Variants in BTBD16 observed in about 807,000 individuals in gnomAD.
BTBD16 encodes BTB/POZ domain-containing protein 16.
A neutral mutation model predicts 67.4 loss-of-function variants in BTBD16; 66 were observed. The observed-to-expected ratio is 0.98, with a 90% confidence interval of 0.80 to 1.20. The LOEUF (loss-of-function observed/expected upper bound fraction) is 1.20. Ranked by LOEUF, BTBD16 falls within the 50% of genes most tolerant of loss-of-function variation. The pLI, the probability that BTBD16 is intolerant of heterozygous loss-of-function variation, is 0.00. For missense variants in BTBD16, 634 were observed against 616.0 expected (o/e 1.03, Z -0.31); for synonymous variants, 242 against 236.4 (o/e 1.02, Z -0.22).
At chr10:122,309,112 G>A (rs1016284431) in intron 10 of BTBD16, among the ~76,000 whole-genome samples, 1 of 152,102 alleles carries the variant, frequency 6.6e-6, no homozygotes, top group Non-Finnish European at 1.5e-5. Flanking sequence ...GCTGGACTGT[G>A]AGTCTCTGTC....
At chr10:122,334,198 T>TC (rs2096459348) in intron 13 of BTBD16, among the ~76,000 whole-genome samples, 1 of 148,310 alleles carries the variant, frequency 6.7e-6, no homozygotes, top group Non-Finnish European at 1.5e-5. Context: ...TCTTGACTTT[T>TC]TTTTTTTTTT....
intron 7 of BTBD16, among the ~76,000 whole-genome samples, chr10:122,293,258 G>A (rs1290639102): frequency 6.6e-6 from 1 of 152,224 alleles, no homozygotes; most frequent in African/African-American, 2.4e-5. Context: ...GCAGAGGGGA[G>A]AGACAGATAT....
In BTBD16 at chr10:122,273,221, G is replaced by GATATATATATATATATATATAT. The variant is rs71715395; in HGVS notation, c.-43+1711_-43+1732dup. ...ATAGAAATAAAAACAGCAACACAAA[G>GATATATATATATATATATATAT]ATATATATATATATATATATATATA... On this transcript the variant is annotated intron_variant, in intron 1 of 15. Transcript: ENST00000260723. Among the ~76,000 whole-genome samples, 414 of 129,270 alleles carry GATATATATATATATATATATAT rather than the reference G, an allele frequency of 3.2e-3. 1 individual carries two copies. The highest frequency in any genetic ancestry group is 5.6e-3 in the South Asian group (21 of 3,742). 84.8% of individuals were successfully genotyped at this position (129,270 alleles called of 152,430 possible). A position where few individuals can be genotyped will look rare whatever the true frequency, so the allele number is the denominator to read the frequency against.
At chr10:122,329,601 C>T (rs747325685) in intron 11 of BTBD16, 30 bp downstream of exon 11, 30 of 1,599,060 alleles carry the variant, frequency 1.9e-5, no homozygotes, top group Admixed American at 6.7e-5. Flanking sequence ...AGCGCATCCA[C>T]GGGAAAGCTG....
chr10:122,282,771 A>G (rs1235558234), intron 3 of BTBD16, among the ~76,000 whole-genome samples: 1 of 152,248 alleles, frequency 6.6e-6, no homozygotes, highest in Non-Finnish European at 1.5e-5. Context: ...AGGATACACA[A>G]GTAAACAGGC....
chr10:122,301,140 G>A (rs992022912), intron 9 of BTBD16, among the ~76,000 whole-genome samples: 11 of 151,940 alleles, frequency 7.2e-5, no homozygotes, highest in African/African-American at 2.4e-4. Flanking sequence ...ACTCCCCAGC[G>A]GAGCAAAGGT....
At chr10:122,326,672 C>T (rs537021423) in intron 10 of BTBD16, among the ~76,000 whole-genome samples, 10 of 152,040 alleles carry the variant, frequency 6.6e-5, no homozygotes, top group South Asian at 2.1e-4. Context: ...ACTGTCTTTC[C>T]GAGTCTATGG....
intron 9 of BTBD16, among the ~76,000 whole-genome samples, chr10:122,299,936 G>GC (rs1043347806): frequency 6.6e-6 from 1 of 152,014 alleles, no homozygotes; most frequent in Non-Finnish European, 1.5e-5. Flanking sequence ...CAGCCACGGG[G>GC]CCCCCCCTGA....
chr10:122,275,829 G>A (rs2096339380), intron 2 of BTBD16, among the ~76,000 whole-genome samples: 2 of 152,118 alleles, frequency 1.3e-5, no homozygotes, highest in Admixed American at 6.5e-5. Flanking sequence ...TCAAGAAAAT[G>A]TCTAAGACTG....
chr10:122,324,541 C>T (rs2096441070), intron 10 of BTBD16, among the ~76,000 whole-genome samples: 1 of 152,214 alleles, frequency 6.6e-6, no homozygotes, highest in African/African-American at 2.4e-5. Context: ...TTTACCAGCA[C>T]ATTAATTTTG....
At chr10:122,309,774 ATTT>A (rs5788543) in intron 10 of BTBD16, among the ~76,000 whole-genome samples, 6 of 136,706 alleles carry the variant, frequency 4.4e-5, no homozygotes, top group Admixed American at 7.3e-5. Context: ...TGCTGAGTAC[ATTT>A]TTTTTTTTTT....
At chr10:122,291,314 T>A in intron 7 of BTBD16, 120 bp downstream of exon 7, 65 of 1,254,448 alleles carry the variant, frequency 5.2e-5, no homozygotes, top group South Asian at 3.5e-4. Flanking sequence ...GGTGTCTTTG[T>A]GCCAAGCATG....
intron 3 of BTBD16, among the ~76,000 whole-genome samples, chr10:122,277,710 A>G (rs1564950316): frequency 6.6e-6 from 1 of 152,136 alleles, no homozygotes; most frequent in South Asian, 2.1e-4. Context: ...CTAAGAGAGT[A>G]AGAACCCACC....
In BTBD16 at chr10:122,297,848, C is replaced by G; in HGVS notation, c.660+11C>G. The stretch of plus-strand genomic sequence containing the variant: ...GAGGCCGGCTGCAAGGTGAGAACAA[C>G]CCAGACGGGGCACATCGCCCCTTGG... On this transcript the variant is annotated intron_variant, in intron 8 of 15. Coordinates refer to ENST00000260723, the MANE Select transcript of BTBD16 (RefSeq NM_144587.5). The G allele has an allele frequency of 1.2e-6, 2 of 1,613,890 alleles. No homozygotes were observed. Among genetic ancestry groups the G allele is most frequent in the Non-Finnish European group, 1.7e-6 (2 of 1,179,874 alleles).
Position 122,286,064 on chromosome 10 carries a change from C to T in BTBD16, c.242-41C>T, listed in dbSNP as rs767772747. On this transcript the variant is annotated intron_variant, in intron 4 of 15. Transcript: ENST00000260723. ...AAGCTGATGCATCTTTGGGTGGGGA[C>T]GTTACTGATGTGTTTGCTCAGCATC... is the stretch of plus-strand genomic sequence containing the variant. 46 of 1,569,022 alleles carry T rather than the reference C, an allele frequency of 2.9e-5. No homozygotes were observed. In the Middle Eastern group the frequency reaches 1.5e-3, roughly 52 times the overall value.
chr10:122,311,217 A>G (rs1183114109), intron 10 of BTBD16, among the ~76,000 whole-genome samples: 1 of 152,194 alleles, frequency 6.6e-6, no homozygotes, highest in Non-Finnish European at 1.5e-5. Flanking sequence ...TTCTTTGCCT[A>G]GCCAGATGTT....
At chr10:122,320,933 C>T (rs145591740) in intron 10 of BTBD16, among the ~76,000 whole-genome samples, 39 of 152,080 alleles carry the variant, frequency 2.6e-4, no homozygotes, top group African/African-American at 7.5e-4. Flanking sequence ...TGCTCAGGTG[C>T]GGTACAATGG....
At chr10:122,276,020 C>A (rs2096339829) in intron 2 of BTBD16, among the ~76,000 whole-genome samples, 1 of 152,196 alleles carries the variant, frequency 6.6e-6, no homozygotes, top group Non-Finnish European at 1.5e-5. Flanking sequence ...GAATATTATT[C>A]AGCCTTAAAA....
chr10:122,304,150 C>G (rs941155214), intron 9 of BTBD16, among the ~76,000 whole-genome samples: 2 of 152,164 alleles, frequency 1.3e-5, no homozygotes, highest in Admixed American at 6.5e-5. Flanking sequence ...GGAGAGTCTC[C>G]CCTTCCGGCC....
Sources: allele counts gnomAD v4.1 joint callset (sites outside exome capture counted in the v4.1 genomes callset), GRCh38; gene constraint gnomAD v4.1.1; transcripts MANE v1.5; gene names NCBI Gene and HGNC (gene_info 2026-07-23, HGNC 2026-07-21).